DGKB: variants seen among roughly 807,000 people sequenced by gnomAD.
The protein encoded by DGKB is diacylglycerol kinase beta.
In DGKB, 67 loss-of-function variants were observed where a neutral mutation model predicts 114.3. That is an observed-to-expected ratio of 0.59 (90% CI 0.48 to 0.72). The LOEUF (loss-of-function observed/expected upper bound fraction) is 0.72. Among genes scored for constraint, DGKB ranks in the 30% least tolerant of loss-of-function variants. The pLI, the probability that DGKB is intolerant of heterozygous loss-of-function variation, is 0.00. For synonymous variants in DGKB, 398 were observed against 323.1 expected (o/e 1.23, Z -2.49); for missense variants, 907 against 975.2 (o/e 0.93, Z 0.93).
Position 14,593,378 on chromosome 7 carries a change from T to C in DGKB, c.1434-10241A>G, listed in dbSNP as rs1268421343. On this transcript the variant is annotated intron_variant, in intron 17 of 25. Transcript: ENST00000402815. Reference sequence around the variant, plus strand: ...GAGTTAGAAATGAAAGGTCAGTAAATGACAGGTTCTATGATGTAGCCTAAA... The same window carrying C: ...GAGTTAGAAATGAAAGGTCAGTAAACGACAGGTTCTATGATGTAGCCTAAA... Among the ~76,000 whole-genome samples the C allele has an allele frequency of 3.3e-5, 5 of 152,148 alleles. No homozygotes were observed. In the East Asian group the frequency reaches 9.7e-4, roughly 29 times the overall value.
intron 23 of DGKB, among the ~76,000 whole-genome samples, chr7:14,181,230 T>C (rs1010652867): frequency 5.3e-5 from 8 of 152,228 alleles, no homozygotes; most frequent in African/African-American, 1.9e-4. Context: ...AAGCTGAAAA[T>C]ATTTACTATG....
intron 20 of DGKB, among the ~76,000 whole-genome samples, chr7:14,530,635 C>T (rs1014963597): frequency 4.0e-5 from 6 of 151,390 alleles, no homozygotes; most frequent in African/African-American, 1.5e-4. Context: ...GATAAAGCTA[C>T]CCATTATATC....
chr7:14,380,682 T>C (rs956660734), intron 21 of DGKB, among the ~76,000 whole-genome samples: 10 of 152,224 alleles, frequency 6.6e-5, no homozygotes, highest in African/African-American at 2.4e-4. Flanking sequence ...ATTGCTTTCA[T>C]CACACATTGA....
chr7:14,442,885 A>G (rs1830259685), intron 21 of DGKB, among the ~76,000 whole-genome samples: 1 of 152,032 alleles, frequency 6.6e-6, no homozygotes, highest in African/African-American at 2.4e-5. Flanking sequence ...TGTACATATG[A>G]TTTTGAATGT....
intron 6 of DGKB, among the ~76,000 whole-genome samples, chr7:14,713,682 C>G (rs1435488363): frequency 1.3e-5 from 2 of 148,824 alleles, no homozygotes; most frequent in Non-Finnish European, 3.0e-5. Context: ...ACTAGATGGT[C>G]TTTAAGGTCT....
At chr7:14,400,815 A>T (rs1183316118) in intron 21 of DGKB, among the ~76,000 whole-genome samples, 2 of 151,788 alleles carry the variant, frequency 1.3e-5, no homozygotes, top group Non-Finnish European at 2.9e-5. Flanking sequence ...TAAGTATCTT[A>T]TTGAAAAACA....
intron 2 of DGKB, among the ~76,000 whole-genome samples, chr7:14,806,427 T>G (rs1240135757): frequency 6.6e-6 from 1 of 152,096 alleles, no homozygotes; most frequent in African/African-American, 2.4e-5. Context: ...TCATAACATT[T>G]AATACCTAGC....
intron 12 of DGKB, among the ~76,000 whole-genome samples, chr7:14,679,046 T>G (rs779941147): frequency 6.6e-6 from 1 of 151,864 alleles, no homozygotes; most frequent in Non-Finnish European, 1.5e-5. Flanking sequence ...GGCTTAGGAT[T>G]TAGTGAGATT....
At chr7:14,366,103 C>T (rs13247983) in intron 21 of DGKB, among the ~76,000 whole-genome samples, 3 of 152,060 alleles carry the variant, frequency 2.0e-5, no homozygotes, top group Non-Finnish European at 2.9e-5. Flanking sequence ...TAACAAAGAT[C>T]TTAGGTGGAA....
At chr7:14,556,052 A>G (rs1029686065) in intron 20 of DGKB, among the ~76,000 whole-genome samples, 1 of 152,176 alleles carries the variant, frequency 6.6e-6, no homozygotes, top group African/African-American at 2.4e-5. Context: ...TTTCTAATTA[A>G]TTATTTCTTG....
intron 21 of DGKB, among the ~76,000 whole-genome samples, chr7:14,358,290 T>A (rs1814985702): frequency 6.6e-6 from 1 of 152,192 alleles, no homozygotes; most frequent in African/African-American, 2.4e-5. Flanking sequence ...TTTGTTCATT[T>A]CTTTTTACTC....
intron 1 of DGKB, among the ~76,000 whole-genome samples, chr7:14,914,940 T>G (rs1347719221): frequency 2.0e-5 from 3 of 151,912 alleles, no homozygotes; most frequent in African/African-American, 7.3e-5. Flanking sequence ...ATCAATGAGC[T>G]TGAACACAGG....
chr7:14,331,762 C>G (rs1242815634), intron 23 of DGKB, among the ~76,000 whole-genome samples: 1 of 152,140 alleles, frequency 6.6e-6, no homozygotes, highest in Non-Finnish European at 1.5e-5. Context: ...GCCAAGCTTT[C>G]ACAGACGTCA....
At chr7:14,680,094 A>G (rs1278279882) in intron 12 of DGKB, among the ~76,000 whole-genome samples, 1 of 152,078 alleles carries the variant, frequency 6.6e-6, no homozygotes, top group Non-Finnish European at 1.5e-5. Context: ...AGGATGGATA[A>G]AAGTCTCAGG....
intron 21 of DGKB, among the ~76,000 whole-genome samples, chr7:14,367,304 G>A (rs940482478): frequency 1.3e-5 from 2 of 152,016 alleles, no homozygotes; most frequent in Non-Finnish European, 2.9e-5. Context: ...TCCCATGTGT[G>A]GTGAGAGGGA....
At position 14,841,153 on chromosome 7, in the gene DGKB, C is replaced by A. The variant is rs761980883; in HGVS notation, c.70+41G>T. On this transcript the variant is annotated intron_variant, in intron 2 of 25. Transcript: ENST00000402815. ...TAAATAAATGATACTTTGTCTAGCA[C>A]AAATGTCAAATAATCTCATAATATC... 1.2e-5 allele frequency: 18 copies of A among 1,514,618 alleles called. No homozygotes were observed. The East Asian group carries it at 3.9e-4, about 33-fold the overall frequency. 93.8% of individuals were successfully genotyped at this position (1,514,618 alleles called of 1,614,324 possible).
intron 1 of DGKB, among the ~76,000 whole-genome samples, chr7:14,886,009 C>T (rs1248898718): frequency 6.6e-6 from 1 of 151,636 alleles, no homozygotes; most frequent in African/African-American, 2.4e-5. Context: ...AAAATCAAAA[C>T]CCTATACAAG....
chr7:14,647,651 C>T (rs1401898672), intron 13 of DGKB, among the ~76,000 whole-genome samples: 4 of 152,014 alleles, frequency 2.6e-5, no homozygotes, highest in East Asian at 3.9e-4. Context: ...CCAAGATGGC[C>T]GAATAGTAAC....
intron 22 of DGKB, among the ~76,000 whole-genome samples, chr7:14,339,379 A>G (rs938298474): frequency 3.4e-5 from 1 of 29,660 alleles, no homozygotes; most frequent in Non-Finnish European, 5.7e-5. Flanking sequence ...ATTGAGGGAA[A>G]TAGTAGCAGT....
Sources: allele counts gnomAD v4.1 joint callset (sites outside exome capture counted in the v4.1 genomes callset), GRCh38; gene constraint gnomAD v4.1.1; transcripts MANE v1.5; gene names NCBI Gene and HGNC (gene_info 2026-07-23, HGNC 2026-07-21).